The following SCN4A variants were observed in gnomAD, a reference collection of about 807,000 sequenced individuals.
SCN4A encodes sodium voltage-gated channel alpha subunit 4.
In SCN4A, 83 loss-of-function variants were observed where a neutral mutation model predicts 162.0. The observed-to-expected ratio is 0.51, with a 90% CI of 0.43 to 0.61. The LOEUF (loss-of-function observed/expected upper bound fraction) is 0.61, where lower values mean the gene tolerates loss of function less well. SCN4A is among the 20% of genes least tolerant of loss of function. SCN4A has a pLI of 0.00. For missense variants in SCN4A, 2,196 were observed against 2,462.5 expected (o/e 0.89, Z 2.29); for synonymous variants, 944 against 985.1 (o/e 0.96, Z 0.78).
In SCN4A at chr17:63,972,500, G is replaced by C. The variant is rs371946667; in HGVS notation, c.274-30C>G. 2,180 of 1,609,808 alleles carry C rather than the reference G, an allele frequency of 1.4e-3. 35 individuals are homozygous for C. In the South Asian group the frequency reaches 0.023, roughly 17 times the overall value. On this transcript the variant is annotated intron_variant, in intron 1 of 23. Transcript: ENST00000435607. This position sits in a 1 kb window ranked among gnomAD's most constrained non-coding sequence, Gnocchi z 4.3. ...GGTGGGAGAGAGGCTGTGAGACCCA[G>C]GGACAGACAGACAGGCAGACAGATG...
At chr17:63,949,276 G>T (rs1018198891) in intron 15 of SCN4A, 117 bp downstream of exon 15, 2 of 1,103,644 alleles carry the variant, frequency 1.8e-6, no homozygotes, top group African/African-American at 3.1e-5. Context: ...GACACGTGAG[G>T]CACGGGGATG....
Position 63,957,529 on chromosome 17 carries a change from G to C in SCN4A, c.2020-11C>G. 1.3e-6 allele frequency: 2 copies of C among 1,595,628 alleles called. No homozygotes were observed. Among genetic ancestry groups the C allele is most frequent in the Non-Finnish European group, 1.7e-6 (2 of 1,166,260 alleles). On this transcript the variant is annotated splice_polypyrimidine_tract_variant and intron_variant, in intron 12 of 23. Transcript: ENST00000435607. Reference sequence around the variant, plus strand: ...CTTGAAGACCCGCAGCTGCCAAGCAGGGAGGGCAAGGGTGAATGAGGCCCA... The same window carrying C: ...CTTGAAGACCCGCAGCTGCCAAGCACGGAGGGCAAGGGTGAATGAGGCCCA...
At chr17:63,956,551 C>A (rs1909076965) in intron 13 of SCN4A, among the ~76,000 whole-genome samples, 1 of 152,218 alleles carries the variant, frequency 6.6e-6, no homozygotes, top group African/African-American at 2.4e-5. Flanking sequence ...TTTTTCGGCG[C>A]CTGGACCATA....
chr17:63,945,757 T>C lies in SCN4A; in HGVS notation c.3442-119A>G. 1 of 1,043,906 alleles carries C rather than the reference T, an allele frequency of 9.6e-7. No individual in the cohort carries two copies. Among genetic ancestry groups the C allele is most frequent in the Non-Finnish European group, 1.4e-6 (1 of 724,058 alleles). 64.7% of individuals were successfully genotyped at this position (1,043,906 alleles called of 1,614,324 possible). ...GCATTGTCAATTAGGGAGGGCTTCC[T>C]AGAGGAGGGCCGACCTGCTGGGCTG... On this transcript the variant is annotated intron_variant, in intron 18 of 23. Coordinates refer to ENST00000435607, the MANE Select transcript of SCN4A (RefSeq NM_000334.4). The surrounding 1 kb of genome is among the most constrained non-coding windows in gnomAD (Gnocchi z 4.4).
intron 23 of SCN4A, 47 bp from the exon 24 acceptor site, chr17:63,942,040 G>A (rs527786477): frequency 4.6e-6 from 7 of 1,511,502 alleles, no homozygotes; most frequent in African/African-American, 1.4e-5. Flanking sequence ...GAGGGGGGCC[G>A]GCACAGGGTG....
rs765525226 is a variant in SCN4A at position 63,972,747 on chromosome 17, G to T, written c.95C>A (p.Ala32Glu). 40 of 1,613,426 alleles carry T rather than the reference G, an allele frequency of 2.5e-5. No individual in the cohort carries two copies. Among genetic ancestry groups the T allele is most frequent in the Non-Finnish European group, 3.4e-5 (40 of 1,179,746 alleles). Residue 32 changes from alanine to glutamate, a missense_variant, in exon 1 of 24, where the codon GCG (alanine) becomes GAG (glutamate). Coordinates refer to ENST00000435607, the MANE Select transcript of SCN4A (RefSeq NM_000334.4). The surrounding 1 kb of genome is among the most constrained non-coding windows in gnomAD (Gnocchi z 4.3). ...RESLAAIEQRAVEEEARLQRN... is the reference protein window; with the variant it reads ...RESLAAIEQREVEEEARLQRN... ...CTGCAGCCGGGCCTCCTCCTCCACC[G>T]CCCGCTGTTCTATGGCTGCCAGTGA...
Position 63,947,171 on chromosome 17 carries a change from C to T in SCN4A, c.3319-4G>A, listed in dbSNP as rs1223803848. 2 of 1,613,142 alleles carry T rather than the reference C, an allele frequency of 1.2e-6. No individual in the cohort carries two copies. Among genetic ancestry groups the T allele is most frequent in the Non-Finnish European group, 1.7e-6 (2 of 1,179,780 alleles). ...CCACCAAGCTGATGATGGAGACCTG[C>T]AGGGGAGGGGTGAGGGGATCAGTGC... On this transcript the variant is annotated splice_polypyrimidine_tract_variant and splice_region_variant and intron_variant, in intron 17 of 23. Transcript: ENST00000435607.
At chr17:63,957,071 T>A (rs1909090745) in intron 13 of SCN4A, 91 bp downstream of exon 13, 4 of 846,330 alleles carry the variant, frequency 4.7e-6, no homozygotes, top group Non-Finnish European at 7.4e-6. Flanking sequence ...TTGGAGAGGA[T>A]GTGTTGGGGA....
At position 63,959,409 on chromosome 17, in the gene SCN4A, C is replaced by A. The variant is rs760441464; in HGVS notation, c.1875G>T (p.Met625Ile). 6.2e-7 allele frequency: 1 copy of A among 1,613,914 alleles called. No individual in the cohort carries two copies. The highest frequency in any genetic ancestry group is 1.1e-5 in the South Asian group (1 of 91,056). Residue 625 changes from methionine (M) to isoleucine (I), a missense_variant, in exon 12 of 24, where the codon ATG becomes ATT. Met to Ile is a conservative substitution (Grantham distance 10). Coordinates refer to ENST00000435607, the MANE Select transcript of SCN4A (RefSeq NM_000334.4). ...LVFTGIFTAE[M>I]VLKLIAMDPY... Reference sequence around the variant, plus strand: ...GGTCCATGGCAATCAGCTTCAGAACCATCTCTGCTGTGAAGATGCCTGTGA... The same window carrying A: ...GGTCCATGGCAATCAGCTTCAGAACAATCTCTGCTGTGAAGATGCCTGTGA...
In SCN4A at chr17:63,942,705, G is replaced by A. The variant is rs1251625881; in HGVS notation, c.4288+121C>T. On this transcript the variant is annotated intron_variant, in intron 23 of 23. Coordinates refer to ENST00000435607, the MANE Select transcript of SCN4A (RefSeq NM_000334.4). ...TGCATTGAGAGTGAATGGCAGGCAC[G>A]CACAGGCATGTGTCTGGGTGAGCGT... is the stretch of plus-strand genomic sequence containing the variant. The A allele has an allele frequency of 5.2e-5, 53 of 1,011,484 alleles. No homozygotes were observed. The South Asian group carries it at 6.5e-4, about 12-fold the overall frequency. The allele number at this position is 1,011,484 out of a possible 1,614,324, so 62.7% of individuals were successfully genotyped here.
At chr17:63,971,364 A>C in intron 4 of SCN4A, 111 bp from the exon 5 acceptor site, 1 of 705,830 alleles carries the variant, frequency 1.4e-6, no homozygotes, top group Non-Finnish European at 2.5e-6. Flanking sequence ...AATTGGGGGT[A>C]CCACAGGGTC....
Position 63,972,581 on chromosome 17 carries a change from G to C in SCN4A, c.261C>G (p.Tyr87Ter), listed in dbSNP as rs1454207683. The C allele has an allele frequency of 6.3e-7, 1 of 1,595,068 alleles. No individual in the cohort carries two copies. The highest frequency in any genetic ancestry group is 1.8e-5 in the Admixed American group (1 of 55,906). The change falls in exon 1 of 24, where the codon TAC becomes TAG. Residue 87 changes from tyrosine to a stop codon, truncating the protein, a stop_gained. Coordinates refer to ENST00000435607, the MANE Select transcript of SCN4A (RefSeq NM_000334.4). LOFTEE classifies it high-confidence loss of function. This position sits in a 1 kb window ranked among gnomAD's most constrained non-coding sequence, Gnocchi z 4.3. ...CCCAGGCCCAGACCTTCTTATTGCTGTAGTAGGGATCCAGGTCCTCCAGGG... is the reference window on the plus strand; with the variant it reads ...CCCAGGCCCAGACCTTCTTATTGCTCTAGTAGGGATCCAGGTCCTCCAGGG... ...GIPLEDLDPY[Y>*]SNKKTFIVLN...
chr17:63,943,916 A>T, intron 21 of SCN4A, 66 bp from the exon 22 acceptor site: 1 of 1,001,972 alleles, frequency 1.0e-6, no homozygotes. Context: ...GACCACCCCC[A>T]CCTCAGTGGG....
intron 11 of SCN4A, 144 bp from the exon 12 acceptor site, chr17:63,959,582 G>A: frequency 1.4e-6 from 1 of 738,756 alleles, no homozygotes; most frequent in Non-Finnish European, 2.3e-6. Flanking sequence ...GGAGTGGCAT[G>A]CATGGCCCGT....
rs1430364673 is a variant in SCN4A at position 63,939,539 on chromosome 17, G to A, written c.*1232C>T. 6.6e-6 allele frequency: 1 copy of A among 152,310 alleles called. No individual in the cohort carries two copies. Among genetic ancestry groups the A allele is most frequent in the African/African-American group, 2.4e-5 (1 of 41,436 alleles). The allele number at this position is 152,310 out of a possible 1,614,324, so 9.4% of individuals were successfully genotyped here. On this transcript the variant is annotated 3_prime_UTR_variant, in exon 24 of 24. Coordinates refer to ENST00000435607, the MANE Select transcript of SCN4A (RefSeq NM_000334.4). ...CACACAGCCACAGGTACACACACAA[G>A]TGAATAAATCCAGCGACGCCTGAGC...
intron 17 of SCN4A, 33 bp downstream of exon 17, chr17:63,947,857 A>G: frequency 6.2e-7 from 1 of 1,607,834 alleles, no homozygotes. Flanking sequence ...CAGCCTCTGG[A>G]TGTAGCTACG....
In SCN4A at chr17:63,945,456, C is replaced by G; in HGVS notation, c.3624G>C (p.Glu1208Asp). Residue 1208 changes from glutamate to aspartate, a missense_variant, in exon 19 of 24, where the codon GAG becomes GAC. Coordinates refer to ENST00000435607, the MANE Select transcript of SCN4A (RefSeq NM_000334.4). This position sits in a 1 kb window ranked among gnomAD's most constrained non-coding sequence, Gnocchi z 4.4. Reference sequence around the variant, plus strand: ...GGCCTGTGTGCATGAGGCTCTCGCACTCAGACTTGTTGTTGACCTCGGAGA... The same window carrying G: ...GGCCTGTGTGCATGAGGCTCTCGCAGTCAGACTTGTTGTTGACCTCGGAGA... ...FDISEVNNKS[E>D]CESLMHTGQV... The G allele has an allele frequency of 6.2e-7, 1 of 1,614,016 alleles. No homozygotes were observed. The highest frequency in any genetic ancestry group is 8.5e-7 in the Non-Finnish European group (1 of 1,179,886).
chr17:63,952,601 C>T (rs1390699047), intron 13 of SCN4A, among the ~76,000 whole-genome samples: 1 of 152,140 alleles, frequency 6.6e-6, no homozygotes. Context: ...ATAGACCCCG[C>T]ACTCCTGGAG....
intron 5 of SCN4A, among the ~76,000 whole-genome samples, chr17:63,969,174 T>A (rs1008011876): frequency 2.6e-5 from 4 of 152,196 alleles, no homozygotes; most frequent in African/African-American, 9.6e-5. Flanking sequence ...CCACGTATCC[T>A]TAACATATTT....
Sources: gnomAD v4.1 joint callset for allele counts (sites outside exome capture counted in the v4.1 genomes callset) on GRCh38, gnomAD v4.1.1 for gene constraint, Gnocchi (gnomAD v3.1) non-coding constraint, MANE v1.5 for transcripts, NCBI Gene and HGNC (gene_info 2026-07-23, HGNC 2026-07-21) for gene names.